PLXNC1: variants seen among roughly 807,000 people sequenced by gnomAD.
PLXNC1 encodes plexin C1.
In PLXNC1, 75 loss-of-function variants were observed where a neutral mutation model predicts 178.2. The observed-to-expected ratio is 0.42, with a 90% CI of 0.35 to 0.51. PLXNC1 has a LOEUF of 0.51. Among genes scored for constraint, PLXNC1 ranks in the 20% least tolerant of loss-of-function variants. The pLI, the probability that PLXNC1 is intolerant of heterozygous loss-of-function variation, is 0.02. For synonymous variants in PLXNC1, 790 were observed against 779.9 expected (o/e 1.01, Z -0.22); for missense variants, 1,503 against 1,984.4 (o/e 0.76, Z 4.61).
intron 5 of PLXNC1, among the ~76,000 whole-genome samples, chr12:94,216,165 G>A (rs1026388073): frequency 2.0e-5 from 3 of 152,068 alleles, no homozygotes; most frequent in African/African-American, 7.3e-5. Flanking sequence ...CTACTCGGGA[G>A]GCTGAGGCAG....
At chr12:94,259,087 T>C (rs1373157294) in intron 17 of PLXNC1, among the ~76,000 whole-genome samples, 1 of 152,262 alleles carries the variant, frequency 6.6e-6, no homozygotes, top group East Asian at 1.9e-4. Flanking sequence ...TACCTTCATC[T>C]ACCAAACCTG....
chr12:94,220,275 C>A (rs781093627), intron 6 of PLXNC1, 112 bp downstream of exon 6: 43 of 1,002,260 alleles, frequency 4.3e-5, no homozygotes, highest in Non-Finnish European at 6.3e-5. Context: ...AGACTCACTC[C>A]CTCACTACCC....
rs781367415 is a variant in PLXNC1, at chr12:94,149,245, T to C, written c.274T>C (p.Ser92Pro). Residue 92 changes from serine (S) to proline (P), a missense_variant, in exon 1 of 31, where the codon TCG (serine) becomes CCG (proline). Physicochemically the swap from Ser to Pro is moderately conservative, Grantham distance 74. Around this residue, in one of 4 missense-constraint regions of PLXNC1, gnomAD observed 176 missense variants for 180.7 expected, o/e 0.97. Coordinates refer to ENST00000258526, the MANE Select transcript of PLXNC1 (RefSeq NM_005761.3). Reference protein sequence around the residue: ...DQAGNCTEPVSLAPPARPRPG... With the variant: ...DQAGNCTEPVPLAPPARPRPG... Reference sequence around the variant, plus strand: ...AGCGGGCAACTGCACAGAGCCGGTCTCGCTGGCGCCCCCCGCGCGGCCCCG... The same window carrying C: ...AGCGGGCAACTGCACAGAGCCGGTCCCGCTGGCGCCCCCCGCGCGGCCCCG... The C allele has an allele frequency of 6.4e-7, 1 of 1,554,658 alleles. No homozygotes were observed. The highest frequency in any genetic ancestry group is 1.9e-5 in the Admixed American group (1 of 52,608).
chr12:94,197,367 G>A lies in PLXNC1; in HGVS notation c.1439+10894G>A, dbSNP rs1014411133. 1.4e-4 allele frequency among the ~76,000 whole-genome samples: 21 copies of A among 151,960 alleles called. 1 individual carries two copies. The highest frequency in any genetic ancestry group is 5.1e-4 in the African/African-American group (21 of 41,352). ...ATTAATGACATTATCACAGGAGTGGGTTAGTTATTGCAGGAGTGGGTTACT... is the reference window on the plus strand; with the variant it reads ...ATTAATGACATTATCACAGGAGTGGATTAGTTATTGCAGGAGTGGGTTACT... On this transcript the variant is annotated intron_variant, in intron 4 of 30. Coordinates refer to ENST00000258526, the MANE Select transcript of PLXNC1 (RefSeq NM_005761.3).
intron 27 of PLXNC1, among the ~76,000 whole-genome samples, chr12:94,299,384 AG>A (rs776778816): frequency 2.6e-4 from 40 of 152,206 alleles, no homozygotes; most frequent in Admixed American, 1.4e-3. Context: ...GATAAGACTC[AG>A]AGTTATGATG....
At chr12:94,250,414 C>T (rs1964648684) in intron 14 of PLXNC1, among the ~76,000 whole-genome samples, 2 of 152,120 alleles carry the variant, frequency 1.3e-5, no homozygotes, top group African/African-American at 2.4e-5. Flanking sequence ...GATGTGCATA[C>T]CTAATTCAGG....
chr12:94,241,927 G>A (rs996550447), intron 11 of PLXNC1, among the ~76,000 whole-genome samples: 1 of 149,042 alleles, frequency 6.7e-6, no homozygotes, highest in Non-Finnish European at 1.5e-5. Context: ...ACAGTACGAA[G>A]CTAATTTTCA....
intron 21 of PLXNC1, among the ~76,000 whole-genome samples, chr12:94,275,705 A>G (rs1253758652): frequency 7.7e-6 from 1 of 129,718 alleles, no homozygotes; most frequent in Non-Finnish European, 1.6e-5. Flanking sequence ...AATACAAAAA[A>G]TTAGCCGGGC....
chr12:94,183,326 T>A (rs1962394478), intron 3 of PLXNC1, among the ~76,000 whole-genome samples: 1 of 152,238 alleles, frequency 6.6e-6, no homozygotes, highest in African/African-American at 2.4e-5. Flanking sequence ...GGCCACATCT[T>A]CCCACAGAGC....
At chr12:94,243,419 A>C (rs1964444950) in intron 11 of PLXNC1, among the ~76,000 whole-genome samples, 1 of 152,212 alleles carries the variant, frequency 6.6e-6, no homozygotes, top group African/African-American at 2.4e-5. Context: ...GCTGTTATTT[A>C]TACGGCGTAC....
Position 94,247,899 on chromosome 12 carries a change from C to T in PLXNC1, c.2389-4C>T. 1 of 1,613,034 alleles carries T rather than the reference C, an allele frequency of 6.2e-7. No individual in the cohort carries two copies. Among genetic ancestry groups the T allele is most frequent in the Non-Finnish European group, 8.5e-7 (1 of 1,179,428 alleles). Reference sequence around the variant, plus strand: ...TACTAAAACATTCTTTTCTTTTTGTCCAGGTCTCTGAATATTGTGTGGCGA... The same window carrying T: ...TACTAAAACATTCTTTTCTTTTTGTTCAGGTCTCTGAATATTGTGTGGCGA... On this transcript the variant is annotated splice_polypyrimidine_tract_variant and splice_region_variant and intron_variant, in intron 12 of 30. Transcript: ENST00000258526.
rs927069743 is a variant in PLXNC1 at position 94,264,455 on chromosome 12, C to T, written c.3451-624C>T. Among the ~76,000 whole-genome samples the T allele has an allele frequency of 1.5e-4, 23 of 152,260 alleles. 1 individual carries two copies. Among genetic ancestry groups the T allele is most frequent in the East Asian group, 5.8e-4 (3 of 5,178 alleles). ...AGATGGAGTCCCTCTGGCCCAGCACCGGAAAACATGTCCAGGTGGGACTGT... is the reference window on the plus strand; with the variant it reads ...AGATGGAGTCCCTCTGGCCCAGCACTGGAAAACATGTCCAGGTGGGACTGT... On this transcript the variant is annotated intron_variant, in intron 20 of 30. Coordinates refer to ENST00000258526, the MANE Select transcript of PLXNC1 (RefSeq NM_005761.3).
At chr12:94,217,422 A>G (rs1963676363) in intron 5 of PLXNC1, among the ~76,000 whole-genome samples, 1 of 152,092 alleles carries the variant, frequency 6.6e-6, no homozygotes, top group Non-Finnish European at 1.5e-5. Context: ...TTTATAAATC[A>G]TCTGTATGTT....
chr12:94,155,508 C>T (rs924933158), intron 1 of PLXNC1, among the ~76,000 whole-genome samples: 5 of 152,166 alleles, frequency 3.3e-5, no homozygotes, highest in African/African-American at 9.7e-5. Context: ...AGGAACTTGT[C>T]GCATTTTTTT....
chr12:94,165,335 G>C (rs1000160019), intron 1 of PLXNC1, among the ~76,000 whole-genome samples: 2 of 152,216 alleles, frequency 1.3e-5, no homozygotes, highest in South Asian at 4.2e-4. Context: ...CCATTCAAAG[G>C]GTTCCTTTTC....
intron 12 of PLXNC1, among the ~76,000 whole-genome samples, chr12:94,244,388 G>T (rs1964472572): frequency 6.6e-6 from 1 of 152,220 alleles, no homozygotes; most frequent in Non-Finnish European, 1.5e-5. Flanking sequence ...TGAAGAGTAG[G>T]TGGTATTGTT....
intron 3 of PLXNC1, among the ~76,000 whole-genome samples, chr12:94,184,732 A>G (rs1362569124): frequency 5.3e-5 from 8 of 150,270 alleles, no homozygotes; most frequent in Admixed American, 2.0e-4. Context: ...CCTCTTATAC[A>G]GAGTTATATT....
rs186440136 is a variant in PLXNC1, at chr12:94,218,207, A to T, written c.1555-1809A>T. Among the ~76,000 whole-genome samples the T allele has an allele frequency of 1.7e-3, 254 of 152,340 alleles. 3 individuals carry two copies. Among genetic ancestry groups the T allele is most frequent in the Admixed American group, 9.2e-3 (141 of 15,294 alleles). On this transcript the variant is annotated intron_variant, in intron 5 of 30. Coordinates refer to ENST00000258526, the MANE Select transcript of PLXNC1 (RefSeq NM_005761.3). ...GTTTGGGATCTTTCACTGTGCTCAG[A>T]ATTCCCTAAAGATAATTGAACTCCA...
At chr12:94,233,840 C>A (rs533717299) in intron 9 of PLXNC1, among the ~76,000 whole-genome samples, 1 of 152,164 alleles carries the variant, frequency 6.6e-6, no homozygotes, top group African/African-American at 2.4e-5. Flanking sequence ...ACCACTCTTA[C>A]CAATTTATAC....
Sources: allele counts gnomAD v4.1 joint callset (sites outside exome capture counted in the v4.1 genomes callset), GRCh38; gene constraint gnomAD v4.1.1; regional missense constraint gnomAD v4.1.1; transcripts MANE v1.5; gene names NCBI Gene and HGNC (gene_info 2026-07-23, HGNC 2026-07-21).